Variants in PRDM10 observed in about 807,000 individuals in gnomAD.
PRDM10 encodes PR/SET domain 10, also known as PR domain zinc finger protein 10.
A neutral mutation model predicts 133.1 loss-of-function variants in PRDM10; 65 were observed. The observed-to-expected ratio is 0.49, with a 90% CI of 0.40 to 0.60. The LOEUF is 0.60. Among genes scored for constraint, PRDM10 ranks in the 20% least tolerant of loss-of-function variants. The probability of loss-of-function intolerance (pLI) is 0.00; values close to 1 mark genes in which losing one functional copy is unlikely to be tolerated. For synonymous variants in PRDM10, 582 were observed against 580.4 expected (o/e 1.00, Z -0.04); for missense variants, 1,137 against 1,507.1 (o/e 0.75, Z 4.07).
intron 4 of PRDM10, among the ~76,000 whole-genome samples, chr11:129,953,691 G>C (rs7935388): frequency 0.25 from 37,485 of 151,646 alleles, 7,275 homozygotes; most frequent in East Asian, 0.62. Context: ...ATATTTGTAT[G>C]TTTTTCCACT....
intron 2 of PRDM10, among the ~76,000 whole-genome samples, chr11:129,959,059 C>T (rs71481898): frequency 0.068 from 10,320 of 152,228 alleles, 682 homozygotes; most frequent in East Asian, 0.39. Flanking sequence ...GTCACGCACT[C>T]TTAGGGTGGA....
At chr11:129,960,217 C>T (rs1218738195) in intron 2 of PRDM10, among the ~76,000 whole-genome samples, 4 of 152,152 alleles carry the variant, frequency 2.6e-5, no homozygotes, top group African/African-American at 7.2e-5. Flanking sequence ...AAACATTACA[C>T]GTGTATGTTT....
intron 1 of PRDM10, among the ~76,000 whole-genome samples, chr11:129,994,026 T>C (rs1403264033): frequency 6.6e-6 from 1 of 152,198 alleles, no homozygotes; most frequent in Non-Finnish European, 1.5e-5. Context: ...TAGGTTTTAT[T>C]TAAAGCCACT....
chr11:129,981,391 A>G (rs576151069), intron 1 of PRDM10, among the ~76,000 whole-genome samples: 1 of 152,304 alleles, frequency 6.6e-6, no homozygotes, highest in Non-Finnish European at 1.5e-5. Flanking sequence ...CCACTGATCT[A>G]TCATATATAA....
intron 1 of PRDM10, among the ~76,000 whole-genome samples, chr11:129,961,575 G>A (rs1951797187): frequency 6.6e-6 from 1 of 151,198 alleles, no homozygotes; most frequent in East Asian, 2.0e-4. Flanking sequence ...CAAAGCGCTG[G>A]GATTACAGGC....
intron 11 of PRDM10, among the ~76,000 whole-genome samples, chr11:129,927,443 C>T (rs1950718620): frequency 6.6e-6 from 1 of 152,088 alleles, no homozygotes; most frequent in Non-Finnish European, 1.5e-5. Context: ...TTTCCTTTAT[C>T]CAAGTTCATT....
At chr11:129,958,809 T>C (rs1295066959) in intron 2 of PRDM10, among the ~76,000 whole-genome samples, 1 of 152,118 alleles carries the variant, frequency 6.6e-6, no homozygotes, top group Non-Finnish European at 1.5e-5. Context: ...ATAAAGTACT[T>C]TTAGGGGGTT....
Position 129,918,653 on chromosome 11 carries a change from G to T in PRDM10, c.2100C>A (p.Ala700=). Residue 700 remains alanine (A), a synonymous_variant, in exon 14 of 21, where the codon GCC becomes GCA. Transcript: ENST00000360871. The surrounding 1 kb of genome is among the most constrained non-coding windows in gnomAD (Gnocchi z 5.3). Reference sequence around the variant, plus strand: ...ACGTCTTGGAGCGGCTGATGCGGTCGGCTTTCTTGGCCTCCCTCTCAGGAT... The same window carrying T: ...ACGTCTTGGAGCGGCTGATGCGGTCTGCTTTCTTGGCCTCCCTCTCAGGAT... ...MHNPEREAKK[A]DRISRSKTFK... 1 of 1,614,140 alleles carries T rather than the reference G, an allele frequency of 6.2e-7. No individual in the cohort carries two copies. The highest frequency in any genetic ancestry group is 2.2e-5 in the East Asian group (1 of 44,884).
intron 1 of PRDM10, among the ~76,000 whole-genome samples, chr11:129,988,168 T>C (rs201982490): frequency 6.6e-6 from 1 of 152,114 alleles, no homozygotes; most frequent in Non-Finnish European, 1.5e-5. Flanking sequence ...AGCAAATTAA[T>C]AGACACAAAA....
chr11:129,973,494 T>G (rs532298191), intron 1 of PRDM10, among the ~76,000 whole-genome samples: 52 of 152,236 alleles, frequency 3.4e-4, no homozygotes, highest in Non-Finnish European at 5.1e-4. Flanking sequence ...ACATTTTGAA[T>G]GTATACTCCC....
At chr11:129,968,081 T>A (rs1024439355) in intron 1 of PRDM10, among the ~76,000 whole-genome samples, 1 of 152,260 alleles carries the variant, frequency 6.6e-6, no homozygotes, top group East Asian at 1.9e-4. Context: ...GGTAGATGAG[T>A]ACCTGGAATC....
At chr11:129,939,753 G>C (rs1268131772) in intron 7 of PRDM10, among the ~76,000 whole-genome samples, 1 of 152,210 alleles carries the variant, frequency 6.6e-6, no homozygotes, top group Non-Finnish European at 1.5e-5. Context: ...AGGCTGGCGT[G>C]CATCCTGCAG....
chr11:129,907,214 G>A (rs1171393364), intron 19 of PRDM10, among the ~76,000 whole-genome samples: 1 of 152,142 alleles, frequency 6.6e-6, no homozygotes, highest in Non-Finnish European at 1.5e-5. Context: ...GAAAGGAACA[G>A]AAGAGCACAT....
rs1351780931 is a variant in PRDM10 at position 129,900,862 on chromosome 11, A to G, written c.*1451T>C. 6.6e-6 allele frequency: 1 copy of G among 152,640 alleles called. No homozygotes were observed. Among genetic ancestry groups the G allele is most frequent in the East Asian group, 1.9e-4 (1 of 5,198 alleles). 9.5% of individuals were successfully genotyped at this position (152,640 alleles called of 1,614,324 possible). On this transcript the variant is annotated 3_prime_UTR_variant, in exon 21 of 21. Transcript: ENST00000360871. ...CAGAAATAAAGTGCGAAATCTACAC[A>G]TCAATAAAGTTCTTTTAACAGAATT...
rs964346582 is a variant in PRDM10 at position 129,947,822 on chromosome 11, C to T, written c.295-452G>A. Among the ~76,000 whole-genome samples the T allele has an allele frequency of 8.5e-5, 13 of 152,136 alleles. No individual in the cohort carries two copies. The highest frequency in any genetic ancestry group is 2.7e-4 in the African/African-American group (11 of 41,424). ...CAAATAGGTAAGCAACAGACCGTTT[C>T]GATGTGTGCACATGTGAGGTATCAT... On this transcript the variant is annotated intron_variant, in intron 4 of 20. Transcript: ENST00000360871. The surrounding 1 kb of genome is among the most constrained non-coding windows in gnomAD (Gnocchi z 4.6).
chr11:129,935,349 T>C (rs1172819179), intron 8 of PRDM10, 131 bp from the exon 9 acceptor site: 1 of 654,304 alleles, frequency 1.5e-6, no homozygotes, highest in African/African-American at 1.8e-5. Flanking sequence ...TATCTGCTAT[T>C]TGCATTACTG....
chr11:129,914,589 G>C, intron 17 of PRDM10, 115 bp downstream of exon 17: 2 of 1,416,946 alleles, frequency 1.4e-6, no homozygotes, highest in Non-Finnish European at 9.9e-7. Flanking sequence ...AATGCCCAAG[G>C]CTCAGAACTT....
chr11:129,962,800 A>G (rs887464878), intron 1 of PRDM10, among the ~76,000 whole-genome samples: 2 of 152,126 alleles, frequency 1.3e-5, no homozygotes, highest in Non-Finnish European at 2.9e-5. Flanking sequence ...TGAGTTTCCT[A>G]TGGTATATAA....
chr11:129,968,598 G>A (rs532820815), intron 1 of PRDM10, among the ~76,000 whole-genome samples: 8 of 118,848 alleles, frequency 6.7e-5, no homozygotes, highest in African/African-American at 1.6e-4. Flanking sequence ...CACCCACCCC[G>A]CAATCCTACC....
Sources: gnomAD v4.1 joint callset for allele counts (sites outside exome capture counted in the v4.1 genomes callset) on GRCh38, gnomAD v4.1.1 for gene constraint, Gnocchi (gnomAD v3.1) non-coding constraint, MANE v1.5 for transcripts, NCBI Gene and HGNC (gene_info 2026-07-23, HGNC 2026-07-21) for gene names.